The following ELOVL7 variants were observed in gnomAD, a reference collection of about 807,000 sequenced individuals.
ELOVL7 encodes the protein ELOVL fatty acid elongase 7.
A neutral mutation model predicts 35.7 loss-of-function variants in ELOVL7; 27 were observed. The ratio of observed to expected loss-of-function variants is 0.76; its 90% CI spans 0.56 to 1.04. The LOEUF (loss-of-function observed/expected upper bound fraction) is 1.04, where lower values mean the gene tolerates loss of function less well. Among genes scored for constraint, ELOVL7 ranks in the 50% least tolerant of loss-of-function variants. The pLI is 0.00. For missense variants in ELOVL7, 327 were observed against 340.8 expected, an observed-to-expected ratio of 0.96 and a Z score of 0.32; for synonymous variants, 113 against 114.6, an observed-to-expected ratio of 0.99 and a Z score of 0.09.
intron 7 of ELOVL7, among the ~76,000 whole-genome samples, chr5:60,762,155 C>G (rs1481673154): frequency 6.6e-6 from 1 of 151,812 alleles, no homozygotes; most frequent in Non-Finnish European, 1.5e-5. Flanking sequence ...GGACAAGAAA[C>G]CCGTTATAAA....
intron 6 of ELOVL7, among the ~76,000 whole-genome samples, chr5:60,765,040 A>G (rs911515650): frequency 6.6e-6 from 1 of 152,214 alleles, no homozygotes; most frequent in South Asian, 2.1e-4. Context: ...TTTTAAATAC[A>G]AGACTAAACA....
chr5:60,837,772 G>A (rs372162666), intron 1 of ELOVL7, among the ~76,000 whole-genome samples: 157 of 152,180 alleles, frequency 1.0e-3, no homozygotes, highest in African/African-American at 3.5e-3. Context: ...GACAAACCCC[G>A]TCTCTACTAA....
At chr5:60,835,229 G>A (rs991626384) in intron 1 of ELOVL7, among the ~76,000 whole-genome samples, 1 of 147,688 alleles carries the variant, frequency 6.8e-6, no homozygotes, top group Non-Finnish European at 1.5e-5. Context: ...TCCCAAGACT[G>A]TACTTGAGGA....
chr5:60,794,022 A>C (rs1744096560), intron 2 of ELOVL7, among the ~76,000 whole-genome samples: 1 of 152,178 alleles, frequency 6.6e-6, no homozygotes, highest in Admixed American at 6.6e-5. Context: ...GGAATAGCTA[A>C]GGCTCACAGT....
At chr5:60,761,481 A>G (rs1362329879) in intron 7 of ELOVL7, among the ~76,000 whole-genome samples, 1 of 152,122 alleles carries the variant, frequency 6.6e-6, no homozygotes, top group Non-Finnish European at 1.5e-5. Context: ...ATTTCTGGGA[A>G]CAGCTTTTGT....
intron 2 of ELOVL7, among the ~76,000 whole-genome samples, chr5:60,793,031 C>A (rs1280100301): frequency 2.0e-5 from 3 of 152,148 alleles, no homozygotes; most frequent in African/African-American, 7.2e-5. Context: ...GAGCAGAGAG[C>A]TGGAGCAGGG....
chr5:60,762,214 G>A (rs896897747), intron 7 of ELOVL7, among the ~76,000 whole-genome samples: 4 of 148,532 alleles, frequency 2.7e-5, no homozygotes, highest in East Asian at 4.0e-4. Context: ...GAGGTATGTC[G>A]CTTGAACCTG....
At chr5:60,778,254 T>C (rs1196372350) in intron 3 of ELOVL7, among the ~76,000 whole-genome samples, 1 of 152,190 alleles carries the variant, frequency 6.6e-6, no homozygotes, top group African/African-American at 2.4e-5. Context: ...ATAAAAGTTG[T>C]CACAGAACCA....
At chr5:60,800,691 C>T (rs145015525) in intron 1 of ELOVL7, among the ~76,000 whole-genome samples, 108 of 152,320 alleles carry the variant, frequency 7.1e-4, no homozygotes, top group African/African-American at 2.5e-3. Context: ...AGTCTCTTCT[C>T]TTGGCTTGCA....
chr5:60,808,304 C>CA (rs1745061547), intron 1 of ELOVL7, among the ~76,000 whole-genome samples: 1 of 151,762 alleles, frequency 6.6e-6, no homozygotes, highest in Non-Finnish European at 1.5e-5. Flanking sequence ...AAATACATGA[C>CA]AAAAAATAAT....
At chr5:60,812,646 T>C (rs1745301350) in intron 1 of ELOVL7, among the ~76,000 whole-genome samples, 2 of 152,178 alleles carry the variant, frequency 1.3e-5, no homozygotes, top group African/African-American at 4.8e-5. Context: ...CAGATAATCA[T>C]CTTGCTTGGT....
At chr5:60,807,814 A>G (rs1745019114) in intron 1 of ELOVL7, among the ~76,000 whole-genome samples, 1 of 151,602 alleles carries the variant, frequency 6.6e-6, no homozygotes, top group African/African-American at 2.4e-5. Flanking sequence ...CCTGGCTAAC[A>G]TGGTGAAACC....
At chr5:60,805,479 AC>A (rs1744872660) in intron 1 of ELOVL7, among the ~76,000 whole-genome samples, 1 of 152,174 alleles carries the variant, frequency 6.6e-6, no homozygotes, top group Admixed American at 6.5e-5. Flanking sequence ...AGTTCTGTTG[AC>A]CATGAGGAGT....
rs1348739829 is a variant in ELOVL7 at position 60,767,671 on chromosome 5, T to A, written c.336+152A>T. On this transcript the variant is annotated intron_variant, in intron 5 of 8. Transcript: ENST00000508821. ...AGAAAATTATACATGTGATTTTTTTTATTCTTGTAATTGTTCACTTTCTCC... is the reference window on the plus strand; with the variant it reads ...AGAAAATTATACATGTGATTTTTTTAATTCTTGTAATTGTTCACTTTCTCC... The A allele has an allele frequency of 8.9e-6, 4 of 448,320 alleles. No individual in the cohort carries two copies. In the Admixed American group the frequency reaches 1.1e-4, roughly 13 times the overall value. 27.8% of individuals were successfully genotyped at this position (448,320 alleles called of 1,614,324 possible). A position where few individuals can be genotyped will look rare whatever the true frequency, so the allele number is the denominator to read the frequency against.
intron 1 of ELOVL7, among the ~76,000 whole-genome samples, chr5:60,818,280 T>C (rs1745649302): frequency 7.5e-6 from 1 of 133,916 alleles, no homozygotes; most frequent in Non-Finnish European, 1.5e-5. Context: ...ATTGCACCAC[T>C]GTGCTCCAGA....
At chr5:60,758,160 A>G (rs2112124395) in intron 7 of ELOVL7, among the ~76,000 whole-genome samples, 1 of 152,288 alleles carries the variant, frequency 6.6e-6, no homozygotes, top group Non-Finnish European at 1.5e-5. Context: ...CTAACTTCTT[A>G]TTACCAACTA....
At position 60,836,421 on chromosome 5, in the gene ELOVL7, T is replaced by C. The variant is rs111484341; in HGVS notation, c.-86+7739A>G. Reference sequence around the variant, plus strand: ...CGAAGAAGAGGATGAAGGATGAAGCTATCAGCTGTGCTTTCTAGCTAACTG... The same window carrying C: ...CGAAGAAGAGGATGAAGGATGAAGCCATCAGCTGTGCTTTCTAGCTAACTG... On this transcript the variant is annotated intron_variant, in intron 1 of 8. Transcript: ENST00000508821. Among the ~76,000 whole-genome samples the C allele has an allele frequency of 7.5e-3, 1,137 of 152,150 alleles. 39 individuals carry two copies. Among genetic ancestry groups the C allele is most frequent in the African/African-American group, 0.026 (1,066 of 41,420 alleles).
intron 1 of ELOVL7, among the ~76,000 whole-genome samples, chr5:60,842,559 T>G (rs1361706020): frequency 3.4e-5 from 5 of 147,906 alleles, no homozygotes; most frequent in Middle Eastern, 3.6e-3. Context: ...TAAAGACACA[T>G]AAGAAGGAAA....
chr5:60,817,250 T>A (rs1371399313), intron 1 of ELOVL7, among the ~76,000 whole-genome samples: 2 of 151,178 alleles, frequency 1.3e-5, no homozygotes, highest in South Asian at 2.1e-4. Flanking sequence ...AAAAAAAAAA[T>A]TTCTCAGCAG....
Sources: gnomAD v4.1 joint callset for allele counts (sites outside exome capture counted in the v4.1 genomes callset) on GRCh38, gnomAD v4.1.1 for gene constraint, MANE v1.5 for transcripts, NCBI Gene and HGNC (gene_info 2026-07-23, HGNC 2026-07-21) for gene names.